The following PIWIL2 variants were observed in gnomAD, a reference collection of about 807,000 sequenced individuals.
PIWIL2 encodes the protein piwi like RNA-mediated gene silencing 2.
In PIWIL2, 81 loss-of-function variants were observed where a neutral mutation model predicts 116.5. That is an observed-to-expected ratio of 0.70 (90% confidence interval 0.58 to 0.84). The LOEUF is 0.84. PIWIL2 is among the 40% of genes least tolerant of loss of function. PIWIL2 has a pLI of 0.00. For synonymous variants in PIWIL2, 489 were observed against 429.5 expected (o/e 1.14, Z -1.71); for missense variants, 1,272 against 1,212.3 (o/e 1.05, Z -0.73).
At chr8:22,317,783 C>T (rs948681615) in intron 19 of PIWIL2, among the ~76,000 whole-genome samples, 57 of 152,078 alleles carry the variant, frequency 3.7e-4, no homozygotes, top group African/African-American at 1.2e-3. Context: ...CCTCAGCCTC[C>T]CGAGTAGCTG....
intron 20 of PIWIL2, among the ~76,000 whole-genome samples, chr8:22,346,781 G>T (rs910342637): frequency 4.9e-4 from 74 of 152,130 alleles, no homozygotes; most frequent in African/African-American, 1.6e-3. Flanking sequence ...GCATAGTGGT[G>T]CATGCCTGTA....
intron 10 of PIWIL2, among the ~76,000 whole-genome samples, chr8:22,292,092 A>G (rs1484585215): frequency 6.6e-6 from 1 of 152,180 alleles, no homozygotes; most frequent in Non-Finnish European, 1.5e-5. Flanking sequence ...CTTAAGACAG[A>G]AACAGGCCTG....
chr8:22,322,743 G>A (rs1352070152), intron 20 of PIWIL2, among the ~76,000 whole-genome samples: 1 of 151,856 alleles, frequency 6.6e-6, no homozygotes, highest in East Asian at 1.9e-4. Context: ...ATTTCACTGT[G>A]TTGGCCAGGC....
intron 4 of PIWIL2, 31 bp downstream of exon 4, chr8:22,281,546 C>G (rs780944873): frequency 1.3e-6 from 2 of 1,518,054 alleles, no homozygotes; most frequent in Non-Finnish European, 1.8e-6. Context: ...AGGTAACTAT[C>G]AAATTCAGAT....
intron 10 of PIWIL2, among the ~76,000 whole-genome samples, chr8:22,294,109 G>A (rs114846429): frequency 0.061 from 9,261 of 151,978 alleles, 353 homozygotes; most frequent in Admixed American, 0.092. Flanking sequence ...AGGCCGAGGC[G>A]GGAGGATCAG....
intron 20 of PIWIL2, among the ~76,000 whole-genome samples, chr8:22,345,773 C>T (rs1056338003): frequency 1.3e-5 from 2 of 152,226 alleles, no homozygotes; most frequent in African/African-American, 4.8e-5. Flanking sequence ...CAATAAGGAA[C>T]GAAGGACTGA....
intron 4 of PIWIL2, among the ~76,000 whole-genome samples, chr8:22,282,206 G>A (rs1043055164): frequency 5.5e-5 from 8 of 145,198 alleles, no homozygotes; most frequent in Admixed American, 1.4e-4. Context: ...TCAGTGTGCC[G>A]AGTAGCTGGG....
intron 20 of PIWIL2, among the ~76,000 whole-genome samples, chr8:22,332,416 A>C (rs551559887): frequency 1.4e-4 from 21 of 152,256 alleles, no homozygotes; most frequent in Non-Finnish European, 2.9e-4. Flanking sequence ...AAGAAGGCAG[A>C]AACATCTGAA....
intron 10 of PIWIL2, among the ~76,000 whole-genome samples, chr8:22,294,644 CAAAAAAA>C (rs897494985): frequency 4.7e-3 from 142 of 29,898 alleles, no homozygotes; most frequent in East Asian, 0.046. Context: ...GACTCTGTCT[CAAAAAAA>C]AAAAAAAAAA....
In PIWIL2 at chr8:22,311,206, T is replaced by C. The variant is rs200405397; in HGVS notation, c.1895T>C (p.Ile632Thr). 7.4e-6 allele frequency: 12 copies of C among 1,614,134 alleles called. No homozygotes were observed. The highest frequency in any genetic ancestry group is 2.2e-5 in the South Asian group (2 of 91,078). Residue 632 changes from isoleucine (I) to threonine (T), a missense_variant, in exon 16 of 23, where the codon ATT (isoleucine) becomes ACT (threonine). Coordinates refer to ENST00000356766, the MANE Select transcript of PIWIL2 (RefSeq NM_018068.5). ...VNMLEKIAGPIGMRMSPPAWV... is the reference protein window; with the variant it reads ...VNMLEKIAGPTGMRMSPPAWV... ...ATGTTGGAGAAGATAGCCGGCCCCA[T>C]TGGCATGCGTATGAGCCCACCGGCC...
chr8:22,311,149 G>C lies in PIWIL2; in HGVS notation c.1838G>C (p.Arg613Thr). 6.2e-7 allele frequency: 1 copy of C among 1,613,930 alleles called. No individual in the cohort carries two copies. Residue 613 changes from arginine to threonine, a missense_variant, in exon 16 of 23, where the codon AGA becomes ACA. By Grantham distance (71) the Arg-to-Thr change is moderately conservative (BLOSUM62 -1). Transcript: ENST00000356766. Reference protein sequence around the residue: ...MHFWALFYPKRAMDQARELVN... With the variant: ...MHFWALFYPKTAMDQARELVN... The stretch of plus-strand genomic sequence containing the variant: ...TTCTGGGCACTTTTTTACCCAAAGA[G>C]AGCAATGGACCAGGCTCGAGAACTG...
At chr8:22,339,292 G>T (rs542816680) in intron 20 of PIWIL2, among the ~76,000 whole-genome samples, 1 of 152,176 alleles carries the variant, frequency 6.6e-6, no homozygotes, top group African/African-American at 2.4e-5. Flanking sequence ...CAGATCACGA[G>T]ATCAGGAGAT....
intron 20 of PIWIL2, among the ~76,000 whole-genome samples, chr8:22,352,191 C>T (rs998778117): frequency 2.0e-5 from 3 of 152,224 alleles, no homozygotes; most frequent in Non-Finnish European, 2.9e-5. Context: ...GTGATCCACC[C>T]GCCTTGGCCT....
intron 20 of PIWIL2, among the ~76,000 whole-genome samples, chr8:22,348,909 CCTT>C (rs1832288831): frequency 6.6e-6 from 1 of 152,134 alleles, no homozygotes; most frequent in African/African-American, 2.4e-5. Context: ...TTTTTCAGCT[CCTT>C]GATTCCTTTC....
intron 20 of PIWIL2, among the ~76,000 whole-genome samples, chr8:22,344,508 A>T (rs936351739): frequency 4.6e-5 from 7 of 152,208 alleles, no homozygotes; most frequent in African/African-American, 1.7e-4. Context: ...TCTAAAAAAT[A>T]GTCTCTTAAT....
At chr8:22,340,219 A>AT (rs1022609950) in intron 20 of PIWIL2, among the ~76,000 whole-genome samples, 30 of 150,762 alleles carry the variant, frequency 2.0e-4, no homozygotes, top group African/African-American at 4.4e-4. Context: ...TGCCTGGCTA[A>AT]TTTTTTTTTG....
chr8:22,297,273 G>A (rs960665372), intron 10 of PIWIL2, among the ~76,000 whole-genome samples: 1 of 152,062 alleles, frequency 6.6e-6, no homozygotes, highest in Non-Finnish European at 1.5e-5. Flanking sequence ...GAGGCACTGT[G>A]CCCAGCCTAT....
chr8:22,344,013 CTG>C (rs1832169392), intron 20 of PIWIL2, among the ~76,000 whole-genome samples: 1 of 152,182 alleles, frequency 6.6e-6, no homozygotes, highest in Admixed American at 6.6e-5. Context: ...AGTGGATAAA[CTG>C]TCATGCATCC....
intron 20 of PIWIL2, among the ~76,000 whole-genome samples, chr8:22,349,189 T>C (rs912349573): frequency 2.0e-5 from 3 of 151,008 alleles, no homozygotes; most frequent in Non-Finnish European, 4.4e-5. Context: ...GTATTTTTAG[T>C]AGAGACGGGG....
Sources: allele counts gnomAD v4.1 joint callset (sites outside exome capture counted in the v4.1 genomes callset), GRCh38; gene constraint gnomAD v4.1.1; transcripts MANE v1.5; gene names NCBI Gene and HGNC (gene_info 2026-07-23, HGNC 2026-07-21).